TRHDE: variants seen among roughly 807,000 people sequenced by gnomAD.
TRHDE encodes thyrotropin releasing hormone degrading enzyme, also known as thyrotropin-releasing hormone-degrading ectoenzyme.
TRHDE carries 72 observed loss-of-function variants against 125.7 expected under a neutral mutation model. That is an observed-to-expected ratio of 0.57 (90% confidence interval 0.47 to 0.70). The LOEUF (loss-of-function observed/expected upper bound fraction) is 0.70. Among genes scored for constraint, TRHDE ranks in the 30% least tolerant of loss-of-function variants. TRHDE has a pLI of 0.00. For synonymous variants in TRHDE, 509 were observed against 509.1 expected (o/e 1.00, Z 0.00); for missense variants, 1,110 against 1,327.1 (o/e 0.84, Z 2.54).
At chr12:72,405,147 CA>C (rs1946899176) in intron 3 of TRHDE, among the ~76,000 whole-genome samples, 2 of 152,056 alleles carry the variant, frequency 1.3e-5, no homozygotes, top group African/African-American at 2.4e-5. Context: ...GCTGTTTTTA[CA>C]AAAGACAAAA....
chr12:72,647,002 G>A (rs376355336), intron 15 of TRHDE, among the ~76,000 whole-genome samples: 4 of 151,812 alleles, frequency 2.6e-5, no homozygotes, highest in South Asian at 2.1e-4. Context: ...ATATCCTACC[G>A]TCCGACAACA....
chr12:72,597,523 C>A (rs1011730377), intron 12 of TRHDE, among the ~76,000 whole-genome samples: 12 of 151,096 alleles, frequency 7.9e-5, no homozygotes, highest in Non-Finnish European at 5.9e-5. Flanking sequence ...TAAAAATTAG[C>A]CAGGCGTGGT....
intron 2 of TRHDE, among the ~76,000 whole-genome samples, chr12:72,253,306 C>T (rs1458779994): frequency 6.6e-6 from 1 of 152,026 alleles, no homozygotes; most frequent in Admixed American, 6.6e-5. Flanking sequence ...GTCATCTGCA[C>T]ACAGGGACTA....
At chr12:72,447,081 T>C (rs1875325759) in intron 3 of TRHDE, among the ~76,000 whole-genome samples, 1 of 152,122 alleles carries the variant, frequency 6.6e-6, no homozygotes, top group South Asian at 2.1e-4. Context: ...CAGCACTGCA[T>C]CGCACTTATT....
intron 2 of TRHDE, among the ~76,000 whole-genome samples, chr12:72,213,445 G>A (rs529588433): frequency 3.9e-5 from 6 of 152,216 alleles, no homozygotes; most frequent in East Asian, 3.9e-4. Context: ...CTACAATAAA[G>A]TGTGTCGCTA....
rs114322587 is a variant in TRHDE at position 72,297,208 on chromosome 12, C to T, written c.1188+10254C>T. ...TAAATATATTATTGGAATCATTGGCCATGGTACCCGGAGAAGCAGGGAGGC... is the reference window on the plus strand; with the variant it reads ...TAAATATATTATTGGAATCATTGGCTATGGTACCCGGAGAAGCAGGGAGGC... On this transcript the variant is annotated intron_variant, in intron 2 of 18. Coordinates refer to ENST00000261180, the MANE Select transcript of TRHDE (RefSeq NM_013381.3). 9.3e-3 allele frequency among the ~76,000 whole-genome samples: 1,422 copies of T among 152,152 alleles called. 22 individuals are homozygous for T. The highest frequency in any genetic ancestry group is 0.032 in the African/African-American group (1,336 of 41,486).
At chr12:72,500,218 G>T (rs1174787151) in intron 6 of TRHDE, among the ~76,000 whole-genome samples, 1 of 151,996 alleles carries the variant, frequency 6.6e-6, no homozygotes, top group African/African-American at 2.4e-5. Flanking sequence ...TTTTCCCATT[G>T]TTACTTGGAT....
chr12:72,430,433 A>G (rs994909417), intron 3 of TRHDE, among the ~76,000 whole-genome samples: 3 of 148,070 alleles, frequency 2.0e-5, no homozygotes, highest in African/African-American at 4.9e-5. Flanking sequence ...ACATGTATAT[A>G]TATACACACA....
At position 72,667,235 on chromosome 12, in the gene TRHDE, G is replaced by A. The variant is rs1036588046; in HGVS notation, c.*4040G>A. On this transcript the variant is annotated 3_prime_UTR_variant, in exon 19 of 19. Transcript: ENST00000261180. ...AGAACCTAAAATAGCTTGCTTATTC[G>A]CCTGGGTACTCTCATGAAGTAACCA... 1.8e-4 allele frequency: 27 copies of A among 151,700 alleles called. No individual in the cohort carries two copies. Among genetic ancestry groups the A allele is most frequent in the African/African-American group, 3.1e-4 (13 of 41,360 alleles). 9.4% of individuals were successfully genotyped at this position (151,700 alleles called of 1,614,324 possible). A position where few individuals can be genotyped will look rare whatever the true frequency, so the allele number is the denominator to read the frequency against.
intron 2 of TRHDE, among the ~76,000 whole-genome samples, chr12:72,325,716 C>G (rs966428327): frequency 6.6e-6 from 1 of 152,024 alleles, no homozygotes; most frequent in Non-Finnish European, 1.5e-5. Context: ...TTAAATCTTT[C>G]TATTGTAAGG....
At chr12:72,604,057 A>AG (rs1415262277) in intron 12 of TRHDE, among the ~76,000 whole-genome samples, 1 of 152,206 alleles carries the variant, frequency 6.6e-6, no homozygotes, top group Non-Finnish European at 1.5e-5. Flanking sequence ...ATAAAAAAAA[A>AG]GAACAATGAA....
rs1051092249 is a variant in TRHDE, at chr12:72,664,209, A to T, written c.*1014A>T. On this transcript the variant is annotated 3_prime_UTR_variant, in exon 19 of 19. Coordinates refer to ENST00000261180, the MANE Select transcript of TRHDE (RefSeq NM_013381.3). ...TTTCTGTCAAAGTTCCTTTTGCATG[A>T]AACAATTATGCAAACTTATAATTAT... The T allele has an allele frequency of 3.3e-5, 5 of 152,532 alleles. No homozygotes were observed. The highest frequency in any genetic ancestry group is 1.2e-4 in the African/African-American group (5 of 41,448). The allele number at this position is 152,532 out of a possible 1,614,324, so 9.4% of individuals were successfully genotyped here. A position where few individuals can be genotyped will look rare whatever the true frequency, so the allele number is the denominator to read the frequency against.
chr12:72,517,323 C>A (rs1878922417), intron 6 of TRHDE, among the ~76,000 whole-genome samples: 1 of 151,868 alleles, frequency 6.6e-6, no homozygotes, highest in East Asian at 2.0e-4. Context: ...AATTTCAGCT[C>A]CTGTTATTGG....
chr12:72,298,238 G>C (rs1177725752), intron 2 of TRHDE, among the ~76,000 whole-genome samples: 1 of 152,190 alleles, frequency 6.6e-6, no homozygotes, highest in Non-Finnish European at 1.5e-5. Context: ...GATAATGTGT[G>C]TGATAGATTG....
intron 2 of TRHDE, among the ~76,000 whole-genome samples, chr12:72,299,274 A>G (rs772079315): frequency 6.6e-6 from 1 of 152,230 alleles, no homozygotes; most frequent in Non-Finnish European, 1.5e-5. Context: ...TCAGAGTGGA[A>G]GAAGATAGCA....
At chr12:72,234,682 A>G (rs1351049058) in intron 2 of TRHDE, among the ~76,000 whole-genome samples, 2 of 152,182 alleles carry the variant, frequency 1.3e-5, no homozygotes. Flanking sequence ...GGAGTAGTAG[A>G]GGAGAGAAAA....
At chr12:72,220,183 T>C (rs1877974522) in intron 2 of TRHDE, among the ~76,000 whole-genome samples, 1 of 152,166 alleles carries the variant, frequency 6.6e-6, no homozygotes, top group Non-Finnish European at 1.5e-5. Flanking sequence ...ATGACTTGGA[T>C]TGCATCTTTT....
chr12:72,579,727 T>C (rs1871151595), intron 12 of TRHDE, among the ~76,000 whole-genome samples: 1 of 152,176 alleles, frequency 6.6e-6, no homozygotes, highest in African/African-American at 2.4e-5. Flanking sequence ...GTTTTACATC[T>C]GTCTCTTCAA....
chr12:72,205,699 A>G (rs1478589445), intron 2 of TRHDE, among the ~76,000 whole-genome samples: 1 of 152,166 alleles, frequency 6.6e-6, no homozygotes, highest in Non-Finnish European at 1.5e-5. Flanking sequence ...TTCCTTTTTT[A>G]AACAAGGCTA....
Sources: allele counts gnomAD v4.1 joint callset (sites outside exome capture counted in the v4.1 genomes callset), GRCh38; gene constraint gnomAD v4.1.1; transcripts MANE v1.5; gene names NCBI Gene and HGNC (gene_info 2026-07-23, HGNC 2026-07-21).